The following TRIM27 variants were observed in gnomAD, a reference collection of about 807,000 sequenced individuals.
The protein encoded by TRIM27 is zinc finger protein RFP.
TRIM27 carries 12 observed loss-of-function variants against 57.6 expected under a neutral mutation model. That is an observed-to-expected ratio of 0.21 (90% CI 0.13 to 0.34). The LOEUF (loss-of-function observed/expected upper bound fraction) is 0.34, where lower values mean the gene tolerates loss of function less well. Ranked by LOEUF, TRIM27 falls within the 10% of genes least tolerant of loss-of-function variation. The pLI is 1.00. For missense variants in TRIM27, 403 were observed against 656.8 expected (o/e 0.61, Z 4.22); for synonymous variants, 266 against 259.0 (o/e 1.03, Z -0.26).
chr6:28,919,212 T>C (rs994438855), intron 3 of TRIM27, among the ~76,000 whole-genome samples: 26 of 152,152 alleles, frequency 1.7e-4, no homozygotes, highest in African/African-American at 6.0e-4. Flanking sequence ...GGTTTCCCCA[T>C]CTTGGCCAGG....
rs759434255 is a variant in TRIM27, at chr6:28,920,252, C to A, written c.517-10G>T. ...CCATCTGGGTTAGGCTCTATGCAGA[C>A]GACAGGGAAAGGCAGTAAAGAGAAA... is the stretch of plus-strand genomic sequence containing the variant. On this transcript the variant is annotated splice_polypyrimidine_tract_variant and intron_variant, in intron 2 of 7. Transcript: ENST00000377199. 5 of 1,575,976 alleles carry A rather than the reference C, an allele frequency of 3.2e-6. No individual in the cohort carries two copies. Among genetic ancestry groups the A allele is most frequent in the Middle Eastern group, 1.7e-4 (1 of 5,852 alleles).
chr6:28,913,221 C>T (rs1263361217), intron 3 of TRIM27, among the ~76,000 whole-genome samples: 1 of 147,724 alleles, frequency 6.8e-6, no homozygotes, highest in Non-Finnish European at 1.5e-5. Flanking sequence ...TGCCATTGTA[C>T]TCCAGCCTGG....
chr6:28,918,441 T>A (rs1773776340), intron 3 of TRIM27, among the ~76,000 whole-genome samples: 1 of 152,172 alleles, frequency 6.6e-6, no homozygotes, highest in African/African-American at 2.4e-5. Context: ...ATGGTCATGT[T>A]ATTGAATCAA....
At chr6:28,920,888 C>T (rs967005976) in intron 2 of TRIM27, among the ~76,000 whole-genome samples, 24 of 152,118 alleles carry the variant, frequency 1.6e-4, no homozygotes, top group Non-Finnish European at 3.1e-4. Flanking sequence ...TTTCCCTGGG[C>T]CCTTCATATG....
intron 3 of TRIM27, 107 bp downstream of exon 3, chr6:28,919,905 T>G: frequency 1.9e-6 from 2 of 1,034,732 alleles, no homozygotes; most frequent in Non-Finnish European, 2.8e-6. Flanking sequence ...CTCTTGCTAT[T>G]CCTGCAGAGT....
intron 3 of TRIM27, among the ~76,000 whole-genome samples, 185 bp from the exon 4 acceptor site, chr6:28,911,903 T>C (rs1447453712): frequency 6.6e-6 from 1 of 152,114 alleles, no homozygotes; most frequent in Non-Finnish European, 1.5e-5. Context: ...ATGGGATGCA[T>C]ACTATTTGCT....
rs1275149839 is a variant in TRIM27 at position 28,923,624 on chromosome 6, G to A, written c.9C>T (p.Ser3=). MA[S]GSVAECLQQE... The stretch of plus-strand genomic sequence containing the variant: ...GCTGCAGGCACTCGGCCACACTCCC[G>A]GAGGCCATGGCGCCGGCCTGCGGGG... Residue 3 remains serine, a synonymous_variant, in exon 1 of 8, where the codon TCC becomes TCT. Transcript: ENST00000377199. 1.3e-6 allele frequency: 2 copies of A among 1,580,388 alleles called. No individual in the cohort carries two copies. Among genetic ancestry groups the A allele is most frequent in the Non-Finnish European group, 1.7e-6 (2 of 1,160,274 alleles).
intron 6 of TRIM27, chr6:28,907,605 C>T (rs1189432780): frequency 8.6e-6 from 5 of 582,226 alleles, no homozygotes; most frequent in Non-Finnish European, 1.7e-5. Flanking sequence ...TCATACATAA[C>T]TTTTGAGTTG....
At chr6:28,919,006 ATTTTTT>A (rs995919969) in intron 3 of TRIM27, among the ~76,000 whole-genome samples, 8 of 151,504 alleles carry the variant, frequency 5.3e-5, no homozygotes, top group Non-Finnish European at 3.0e-5. Flanking sequence ...TTTTATTTTT[ATTTTTT>A]ATTATTTATT....
rs147969803 is a variant in TRIM27 at position 28,923,366 on chromosome 6, G to A, written c.267C>T (p.Pro89=). ...TCTCGCACACGCCCATCTCGCCGCC[G>A]GGCCCCGACGGCCGCTCGGTGCGCA... ...KQLRTERPSG[P]GGEMGVCEKH... The change falls in exon 1 of 8, where the codon CCC becomes CCT. Residue 89 remains proline, a synonymous_variant. Coordinates refer to ENST00000377199, the MANE Select transcript of TRIM27 (RefSeq NM_006510.5). 4 of 1,611,794 alleles carry A rather than the reference G, an allele frequency of 2.5e-6. No homozygotes were observed. The highest frequency in any genetic ancestry group is 3.4e-6 in the Non-Finnish European group (4 of 1,179,660).
chr6:28,907,509 T>C (rs1772853264), intron 6 of TRIM27: 5 of 691,352 alleles, frequency 7.2e-6, no homozygotes, highest in Non-Finnish European at 1.4e-5. Flanking sequence ...TGGTAGAATA[T>C]GGGATAAAAC....
chr6:28,912,598 T>C (rs1773290137), intron 3 of TRIM27, among the ~76,000 whole-genome samples: 1 of 152,206 alleles, frequency 6.6e-6, no homozygotes, highest in African/African-American at 2.4e-5. Flanking sequence ...ATCATTCTTT[T>C]CCTTTTTTTA....
At chr6:28,919,988 C>T (rs758060386) in intron 3 of TRIM27, 24 bp downstream of exon 3, 1 of 1,601,520 alleles carries the variant, frequency 6.2e-7, no homozygotes. Context: ...GGGTGCTGCT[C>T]TAGCAGGGCT....
chr6:28,918,630 C>T (rs148866805), intron 3 of TRIM27, among the ~76,000 whole-genome samples: 2,224 of 152,240 alleles, frequency 0.015, 42 homozygotes, highest in African/African-American at 0.048. Context: ...GTAATCCCAA[C>T]ACTTTGGGAG....
At chr6:28,923,073 G>GGAGC in intron 1 of TRIM27, 140 bp downstream of exon 1, 1 of 1,028,544 alleles carries the variant, frequency 9.7e-7, no homozygotes, top group African/African-American at 1.6e-5. Context: ...CTGAGGCTCT[G>GGAGC]GAGCGGACAG....
At position 28,923,222 on chromosome 6, in the gene TRIM27, C is replaced by G; in HGVS notation, c.411G>C (p.Glu137Asp). 6.3e-7 allele frequency: 1 copy of G among 1,584,706 alleles called. No individual in the cohort carries two copies. The highest frequency in any genetic ancestry group is 1.3e-5 in the African/African-American group (1 of 74,302). Residue 137 changes from glutamate to aspartate, a missense_variant, in exon 1 of 8, where the codon GAG becomes GAC. By Grantham distance (45) the Glu-to-Asp change is conservative. Coordinates refer to ENST00000377199, the MANE Select transcript of TRIM27 (RefSeq NM_006510.5). ...HSVLPLEEAV[E>D]GFKEQIQNQL... ...GGATCCGCGCCCTCACCTTGAAGCCCTCCACCGCCTCCTCGAGCGGCAGCA... is the reference window on the plus strand; with the variant it reads ...GGATCCGCGCCCTCACCTTGAAGCCGTCCACCGCCTCCTCGAGCGGCAGCA...
intron 4 of TRIM27, 23 bp from the exon 5 acceptor site, chr6:28,909,111 A>C: frequency 1.9e-6 from 3 of 1,567,154 alleles, no homozygotes; most frequent in Non-Finnish European, 2.6e-6. Flanking sequence ...AACATGAGTA[A>C]ATTTTTTTTT....
In TRIM27 at chr6:28,908,690, A is replaced by G. The variant is rs917234217; in HGVS notation, c.919+118T>C. On this transcript the variant is annotated intron_variant, in intron 6 of 7. Coordinates refer to ENST00000377199, the MANE Select transcript of TRIM27 (RefSeq NM_006510.5). ...ATTAAGACCAAAGGGAAGATGTAAA[A>G]TATCAGGGAAGGCTGGCCAATGGGT... The G allele has an allele frequency of 7.1e-6, 6 of 849,906 alleles. No individual in the cohort carries two copies. The East Asian group carries it at 7.9e-5, about 11-fold the overall frequency. The allele number at this position is 849,906 out of a possible 1,614,324, so 52.6% of individuals were successfully genotyped here.
rs561165814 is a variant in TRIM27, at chr6:28,903,744, G to C, written c.*326C>G. The C allele has an allele frequency of 2.1e-4, 71 of 343,654 alleles. 1 individual carries two copies. Among genetic ancestry groups the C allele is most frequent in the African/African-American group, 1.0e-3 (49 of 48,976 alleles). The allele number at this position is 343,654 out of a possible 1,614,324, so 21.3% of individuals were successfully genotyped here. A position where few individuals can be genotyped will look rare whatever the true frequency, so the allele number is the denominator to read the frequency against. ...AGAGGAAGCCAGGCTGAGCCAAGAA[G>C]CTGGAAGTATCTTGAACGGCTCTCC... is the stretch of plus-strand genomic sequence containing the variant. On this transcript the variant is annotated 3_prime_UTR_variant, in exon 8 of 8. Coordinates refer to ENST00000377199, the MANE Select transcript of TRIM27 (RefSeq NM_006510.5).
Sources: allele counts gnomAD v4.1 joint callset (sites outside exome capture counted in the v4.1 genomes callset), GRCh38; gene constraint gnomAD v4.1.1; transcripts MANE v1.5; gene names NCBI Gene and HGNC (gene_info 2026-07-23, HGNC 2026-07-21).